GRID2: variants seen among roughly 807,000 people sequenced by gnomAD.
GRID2 encodes glutamate receptor ionotropic, delta-2.
In GRID2, 33 loss-of-function variants were observed where a neutral mutation model predicts 114.8. That is an observed-to-expected ratio of 0.29 (90% confidence interval 0.22 to 0.38). GRID2 has a LOEUF of 0.38. GRID2 is among the 10% of genes least tolerant of loss of function. GRID2 has a pLI of 1.00. For synonymous variants in GRID2, 505 were observed against 449.9 expected (o/e 1.12, Z -1.55); for missense variants, 1,184 against 1,257.7 (o/e 0.94, Z 0.89).
rs187284808 is a variant in GRID2 at position 93,336,108 on chromosome 4, C to T, written c.1246-59499C>T. The stretch of plus-strand genomic sequence containing the variant: ...AGTTTAAACAGCTATTAACATTTGC[C>T]ATATTTGCCTTAATGAAAATAAAAT... On this transcript the variant is annotated intron_variant, in intron 8 of 15. Transcript: ENST00000282020. Among the ~76,000 whole-genome samples the T allele has an allele frequency of 3.9e-5, 6 of 152,192 alleles. No individual in the cohort carries two copies. The East Asian group carries it at 7.7e-4, about 20-fold the overall frequency.
At chr4:93,491,862 C>T (rs1398510020) in intron 12 of GRID2, among the ~76,000 whole-genome samples, 1 of 151,744 alleles carries the variant, frequency 6.6e-6, no homozygotes, top group Admixed American at 6.6e-5. Context: ...TTTCTATTTG[C>T]TCATTATACA....
At chr4:93,636,537 C>G (rs2149706208) in intron 14 of GRID2, among the ~76,000 whole-genome samples, 1 of 152,146 alleles carries the variant, frequency 6.6e-6, no homozygotes, top group South Asian at 2.1e-4. Context: ...TTTTAACACT[C>G]AAAACACTCA....
intron 2 of GRID2, among the ~76,000 whole-genome samples, chr4:92,801,183 A>G (rs1740147618): frequency 6.6e-6 from 1 of 151,986 alleles, no homozygotes; most frequent in Non-Finnish European, 1.5e-5. Flanking sequence ...AGAAAGGCAG[A>G]CAACACACTA....
intron 1 of GRID2, among the ~76,000 whole-genome samples, chr4:92,318,988 T>C (rs2110123173): frequency 6.6e-6 from 1 of 152,260 alleles, no homozygotes; most frequent in Non-Finnish European, 1.5e-5. Flanking sequence ...AACAACTGGT[T>C]TGATGCTATG....
chr4:93,350,216 G>T (rs1760665379), intron 8 of GRID2, among the ~76,000 whole-genome samples: 1 of 152,052 alleles, frequency 6.6e-6, no homozygotes, highest in Non-Finnish European at 1.5e-5. Flanking sequence ...CAGCATAAAG[G>T]ACAAACTTCT....
chr4:93,297,019 TG>T (rs1265727499), intron 8 of GRID2, among the ~76,000 whole-genome samples: 2 of 152,226 alleles, frequency 1.3e-5, no homozygotes, highest in African/African-American at 4.8e-5. Flanking sequence ...CCAATTCCCA[TG>T]TGCTTGTCTC....
intron 4 of GRID2, among the ~76,000 whole-genome samples, chr4:93,189,415 A>T (rs1290734242): frequency 6.6e-6 from 1 of 152,056 alleles, no homozygotes; most frequent in Admixed American, 6.6e-5. Context: ...TAAGTTCACT[A>T]ATCCTACTCA....
chr4:93,343,106 G>A (rs1164095099), intron 8 of GRID2, among the ~76,000 whole-genome samples: 5 of 151,112 alleles, frequency 3.3e-5, no homozygotes, highest in Non-Finnish European at 5.9e-5. Context: ...TTGCCTTTCC[G>A]ATTTTACAGC....
intron 2 of GRID2, among the ~76,000 whole-genome samples, chr4:92,901,787 G>A (rs1747600375): frequency 6.6e-6 from 1 of 151,878 alleles, no homozygotes. Context: ...ATATTTGCAT[G>A]TATGTTTACT....
intron 1 of GRID2, among the ~76,000 whole-genome samples, chr4:92,438,985 C>T (rs1219472027): frequency 6.6e-6 from 1 of 152,102 alleles, no homozygotes. Flanking sequence ...GACCACCAAA[C>T]AGGATTTGTG....
At chr4:93,768,776 C>A (rs2110333163) in intron 14 of GRID2, among the ~76,000 whole-genome samples, 1 of 152,274 alleles carries the variant, frequency 6.6e-6, no homozygotes, top group East Asian at 1.9e-4. Flanking sequence ...AAACGTTCTT[C>A]ATAAAAGCAT....
rs142938433 is a variant in GRID2 at position 92,535,240 on chromosome 4, T to C, written c.89-54891T>C. Among the ~76,000 whole-genome samples, 1,123 of 152,268 alleles carry C rather than the reference T, an allele frequency of 7.4e-3. 14 individuals are homozygous for C. Among genetic ancestry groups the C allele is most frequent in the African/African-American group, 0.024 (993 of 41,554 alleles). On this transcript the variant is annotated intron_variant, in intron 1 of 15. Coordinates refer to ENST00000282020, the MANE Select transcript of GRID2 (RefSeq NM_001510.4). ...ACAATGTAGTTAAAGAGGTGTTTTATAATTAAGTAATTAAATATAAGCGTA... is the reference window on the plus strand; with the variant it reads ...ACAATGTAGTTAAAGAGGTGTTTTACAATTAAGTAATTAAATATAAGCGTA...
chr4:92,753,058 T>C (rs551900643), intron 2 of GRID2, among the ~76,000 whole-genome samples: 95 of 152,318 alleles, frequency 6.2e-4, no homozygotes, highest in Non-Finnish European at 1.1e-3. Flanking sequence ...CAGATTTCTA[T>C]ATTTTACTGT....
intron 14 of GRID2, among the ~76,000 whole-genome samples, chr4:93,720,215 C>T (rs910837644): frequency 6.6e-6 from 1 of 152,144 alleles, no homozygotes; most frequent in Admixed American, 6.5e-5. Context: ...GCCATTCATT[C>T]CTGATAGTTG....
At chr4:92,493,829 G>T (rs1723263195) in intron 1 of GRID2, among the ~76,000 whole-genome samples, 1 of 152,070 alleles carries the variant, frequency 6.6e-6, no homozygotes, top group South Asian at 2.1e-4. Context: ...GAGACCACTA[G>T]AAATAACCAT....
intron 2 of GRID2, among the ~76,000 whole-genome samples, chr4:92,806,906 A>G (rs776357527): frequency 2.6e-5 from 4 of 151,988 alleles, no homozygotes; most frequent in Non-Finnish European, 5.9e-5. Context: ...AGAGACCAAA[A>G]AAAAGCAAAA....
At chr4:92,824,351 T>G (rs564030557) in intron 2 of GRID2, among the ~76,000 whole-genome samples, 2 of 152,242 alleles carry the variant, frequency 1.3e-5, no homozygotes, top group South Asian at 4.1e-4. Context: ...GTAGCTATGA[T>G]TTTTTTCCCC....
chr4:92,909,374 A>G (rs1329260524), intron 2 of GRID2, among the ~76,000 whole-genome samples: 3 of 151,976 alleles, frequency 2.0e-5, no homozygotes, highest in Non-Finnish European at 4.4e-5. Context: ...TTAAGTAGCT[A>G]TTCCATTATA....
At chr4:92,869,869 T>A (rs536944164) in intron 2 of GRID2, among the ~76,000 whole-genome samples, 2 of 152,244 alleles carry the variant, frequency 1.3e-5, no homozygotes, top group South Asian at 4.1e-4. Flanking sequence ...CAACTATCAT[T>A]TTCTGAAATG....
Sources: allele counts gnomAD v4.1 joint callset (sites outside exome capture counted in the v4.1 genomes callset), GRCh38; gene constraint gnomAD v4.1.1; transcripts MANE v1.5; gene names NCBI Gene and HGNC (gene_info 2026-07-23, HGNC 2026-07-21).